The following IQSEC3 variants were observed in gnomAD, a reference collection of about 807,000 sequenced individuals.
IQSEC3 encodes the protein IQ motif and SEC7 domain-containing protein 3.
In IQSEC3, 50 loss-of-function variants were observed where a neutral mutation model predicts 105.4. That is an observed-to-expected ratio of 0.47 (90% confidence interval 0.38 to 0.60). The LOEUF (loss-of-function observed/expected upper bound fraction) is 0.60, where lower values mean the gene tolerates loss of function less well. Among genes scored for constraint, IQSEC3 ranks in the 20% least tolerant of loss-of-function variants. The probability of loss-of-function intolerance (pLI) is 0.00; values close to 1 mark genes in which losing one functional copy is unlikely to be tolerated. For missense variants in IQSEC3, 1,415 were observed against 1,630.0 expected, an observed-to-expected ratio of 0.87 and a Z score of 2.27; for synonymous variants, 708 against 746.0, an observed-to-expected ratio of 0.95 and a Z score of 0.83.
chr12:122,649 A>T (rs1270235023), intron 2 of IQSEC3, among the ~76,000 whole-genome samples: 1 of 152,194 alleles, frequency 6.6e-6, no homozygotes, highest in African/African-American at 2.4e-5. Context: ...GCTCGATCCC[A>T]CTGGGGACTT....
intron 2 of IQSEC3, among the ~76,000 whole-genome samples, chr12:120,615 C>T (rs1001956239): frequency 1.3e-5 from 2 of 152,210 alleles, no homozygotes; most frequent in Non-Finnish European, 2.9e-5. Flanking sequence ...CAGCTTCCCA[C>T]CTGAGTGACC....
chr12:116,471 T>C (rs782581142), intron 2 of IQSEC3, among the ~76,000 whole-genome samples: 1 of 152,226 alleles, frequency 6.6e-6, no homozygotes, highest in Non-Finnish European at 1.5e-5. Flanking sequence ...TTCCTGATGG[T>C]CACCCGTGGT....
At chr12:100,584 G>A (rs1864392878) in intron 2 of IQSEC3, among the ~76,000 whole-genome samples, 1 of 152,142 alleles carries the variant, frequency 6.6e-6, no homozygotes, top group Non-Finnish European at 1.5e-5. Flanking sequence ...CACCCAAGAG[G>A]CCCTTAAATC....
chr12:77,766 C>T (rs1231491644), intron 1 of IQSEC3: 31 of 160,992 alleles, frequency 1.9e-4, no homozygotes, highest in Non-Finnish European at 3.7e-4. Flanking sequence ...GTGCAGCTGG[C>T]CCCCCTGGGG....
In IQSEC3 at chr12:138,443, G is replaced by A. The variant is rs1555087177; in HGVS notation, c.1080G>A (p.Thr360=). 5 of 1,605,238 alleles carry A rather than the reference G, an allele frequency of 3.1e-6. No individual in the cohort carries two copies. In the Admixed American group the frequency reaches 6.7e-5, roughly 21 times the overall value. Reference sequence around the variant, plus strand: ...CCCTGCGCAAGGTGCGGTCACCCACGGCCGAGAGCCTGGCGGCCGAGAAAG... The same window carrying A: ...CCCTGCGCAAGGTGCGGTCACCCACAGCCGAGAGCCTGGCGGCCGAGAAAG... The part of the protein sequence containing the change: ...RISLRKVRSP[T]AESLAAEKAL... The change falls in exon 4 of 14, where the codon ACG becomes ACA. Residue 360 remains threonine (T), a synonymous_variant. Transcript: ENST00000538872. This position sits in a 1 kb window ranked among gnomAD's most constrained non-coding sequence, Gnocchi z 7.1.
At chr12:172,338 A>C (rs1591761905) in intron 13 of IQSEC3, among the ~76,000 whole-genome samples, 1 of 121,440 alleles carries the variant, frequency 8.2e-6, no homozygotes, top group Non-Finnish European at 1.7e-5. Context: ...GCCCCCCTCC[A>C]CTCCCCATCC....
At chr12:105,158 C>G (rs1864603624) in intron 2 of IQSEC3, among the ~76,000 whole-genome samples, 2 of 152,264 alleles carry the variant, frequency 1.3e-5, no homozygotes, top group Non-Finnish European at 2.9e-5. Flanking sequence ...AGCTCTGGGT[C>G]TCTGCCTCCC....
chr12:147,561 C>T (rs1555091392), intron 5 of IQSEC3, among the ~76,000 whole-genome samples: 1 of 152,142 alleles, frequency 6.6e-6, no homozygotes, highest in Non-Finnish European at 1.5e-5. Flanking sequence ...TCCAGGACCC[C>T]TGTGGTCCGG....
chr12:120,955 T>C (rs1358641638), intron 2 of IQSEC3, among the ~76,000 whole-genome samples: 2 of 152,294 alleles, frequency 1.3e-5, no homozygotes, highest in East Asian at 3.9e-4. Context: ...ATCGCTCATA[T>C]ACCAGCAGTG....
At chr12:71,643 A>G (rs1419775052) in intron 1 of IQSEC3, among the ~76,000 whole-genome samples, 2 of 152,288 alleles carry the variant, frequency 1.3e-5, no homozygotes, top group Non-Finnish European at 2.9e-5. Context: ...TGTCCATTTC[A>G]TTCCAGCCTC....
chr12:97,254 T>C (rs1456456803), intron 1 of IQSEC3, among the ~76,000 whole-genome samples: 1 of 152,242 alleles, frequency 6.6e-6, no homozygotes, highest in African/African-American at 2.4e-5. Context: ...AGTATTAACT[T>C]GCCTTCTGTC....
At chr12:110,850 C>G (rs1457658735) in intron 2 of IQSEC3, among the ~76,000 whole-genome samples, 1 of 152,174 alleles carries the variant, frequency 6.6e-6, no homozygotes, top group African/African-American at 2.4e-5. Context: ...CTCTCTGTCC[C>G]GTAGAGACTT....
chr12:123,950 C>T (rs527680496), intron 2 of IQSEC3, among the ~76,000 whole-genome samples: 79 of 152,248 alleles, frequency 5.2e-4, no homozygotes, highest in African/African-American at 1.9e-3. Flanking sequence ...GAGCCATCCC[C>T]GTGGCCCCTG....
chr12:114,629 AG>A (rs1341482721), intron 2 of IQSEC3, among the ~76,000 whole-genome samples: 1 of 152,266 alleles, frequency 6.6e-6, no homozygotes, highest in Non-Finnish European at 1.5e-5. Context: ...TCTAGACATC[AG>A]GGCAGGAGAG....
chr12:102,782 G>C (rs1864470185), intron 2 of IQSEC3, among the ~76,000 whole-genome samples: 1 of 152,188 alleles, frequency 6.6e-6, no homozygotes, highest in Non-Finnish European at 1.5e-5. Context: ...TGGAAGCGTG[G>C]GTGTCTGCAA....
At chr12:131,225 T>C (rs1324381618) in intron 3 of IQSEC3, among the ~76,000 whole-genome samples, 1 of 152,212 alleles carries the variant, frequency 6.6e-6, no homozygotes, top group Non-Finnish European at 1.5e-5. Flanking sequence ...CGCTGCTTCT[T>C]CTGGCAGAAG....
chr12:174,620 C>A lies in IQSEC3; in HGVS notation c.3136C>A (p.Gln1046Lys). Residue 1046 changes from glutamine to lysine, a missense_variant, in exon 14 of 14, where the codon CAA (glutamine) becomes AAA (lysine). Physicochemically the swap from Gln to Lys is moderately conservative, Grantham distance 53. Transcript: ENST00000538872. The stretch of plus-strand genomic sequence containing the variant: ...CTAGGTGTCAATTCACAACAGGCTT[C>A]AAACGTCCCAGCACAACTCCGGGCT... Reference protein sequence around the residue: ...TVEVSIHNRLQTSQHNSGLGA... With the variant: ...TVEVSIHNRLKTSQHNSGLGA... 6.4e-7 allele frequency: 1 copy of A among 1,554,468 alleles called. No homozygotes were observed. The highest frequency in any genetic ancestry group is 8.6e-7 in the Non-Finnish European group (1 of 1,159,010).
intron 2 of IQSEC3, among the ~76,000 whole-genome samples, chr12:116,714 C>T (rs1012434622): frequency 1.3e-5 from 2 of 152,226 alleles, no homozygotes; most frequent in African/African-American, 4.8e-5. Flanking sequence ...ATCTGCAAGA[C>T]CCTGACTGCT....
intron 1 of IQSEC3, among the ~76,000 whole-genome samples, chr12:85,121 C>T (rs1863875209): frequency 6.6e-6 from 1 of 152,226 alleles, no homozygotes; most frequent in South Asian, 2.1e-4. Context: ...AAATCAGAAA[C>T]ATGCATAAAT....
Sources: allele counts gnomAD v4.1 joint callset (sites outside exome capture counted in the v4.1 genomes callset), GRCh38; gene constraint gnomAD v4.1.1; non-coding constraint Gnocchi (gnomAD v3.1); transcripts MANE v1.5; gene names NCBI Gene and HGNC (gene_info 2026-07-23, HGNC 2026-07-21).